Variants in TBC1D5 observed in about 807,000 individuals in gnomAD.
TBC1D5 encodes TBC1 domain family, member 5.
Under a neutral mutation model 100.3 loss-of-function variants are expected in TBC1D5, and 75 were observed. That is an observed-to-expected ratio of 0.75 (90% CI 0.62 to 0.91). The LOEUF (loss-of-function observed/expected upper bound fraction) is 0.91. Among genes scored for constraint, TBC1D5 ranks in the 40% least tolerant of loss-of-function variants. The pLI is 0.00. For synonymous variants in TBC1D5, 323 were observed against 325.6 expected (o/e 0.99, Z 0.09); for missense variants, 910 against 942.4 (o/e 0.97, Z 0.45).
chr3:17,333,122 G>A (rs2087110470), intron 13 of TBC1D5: 1 of 152,330 alleles, frequency 6.6e-6, no homozygotes, highest in Non-Finnish European at 1.5e-5. Context: ...GGGTATCGAA[G>A]TCAATGGCCA....
intron 13 of TBC1D5, among the ~76,000 whole-genome samples, chr3:17,325,614 G>A (rs1025340759): frequency 8.5e-5 from 13 of 152,108 alleles, no homozygotes; most frequent in African/African-American, 2.2e-4. Flanking sequence ...GAGCCACCGC[G>A]CCTGGCCCAA....
At chr3:17,683,991 T>C (rs1387725916) in intron 1 of TBC1D5, among the ~76,000 whole-genome samples, 1 of 152,130 alleles carries the variant, frequency 6.6e-6, no homozygotes, top group African/African-American at 2.4e-5. Context: ...CAAGGAAAGA[T>C]CACTTAGATG....
At chr3:17,615,080 G>A (rs999953625) in intron 2 of TBC1D5, among the ~76,000 whole-genome samples, 3 of 152,142 alleles carry the variant, frequency 2.0e-5, no homozygotes, top group Non-Finnish European at 4.4e-5. Flanking sequence ...TTTATTGAGA[G>A]TTTTTAGCAT....
intron 3 of TBC1D5, among the ~76,000 whole-genome samples, chr3:17,442,656 T>G (rs910549174): frequency 1.3e-5 from 2 of 152,148 alleles, no homozygotes; most frequent in Non-Finnish European, 2.9e-5. Flanking sequence ...AACAAAAGCT[T>G]TGAGAACGGA....
At chr3:17,697,696 A>G (rs1371349550) in intron 1 of TBC1D5, among the ~76,000 whole-genome samples, 1 of 152,238 alleles carries the variant, frequency 6.6e-6, no homozygotes, top group African/African-American at 2.4e-5. Flanking sequence ...TAATTTATAG[A>G]TTCAATGCCA....
intron 14 of TBC1D5, among the ~76,000 whole-genome samples, chr3:17,303,982 C>G (rs1040922538): frequency 1.3e-5 from 2 of 152,038 alleles, no homozygotes; most frequent in East Asian, 3.9e-4. Flanking sequence ...CCACAAACCA[C>G]TAACCCTACT....
chr3:17,283,907 C>T (rs1034537204), intron 15 of TBC1D5, among the ~76,000 whole-genome samples: 21 of 152,040 alleles, frequency 1.4e-4, no homozygotes, highest in Admixed American at 1.0e-3. Flanking sequence ...CTCTTTTCTG[C>T]TTTCGAGCTT....
intron 1 of TBC1D5, among the ~76,000 whole-genome samples, chr3:17,652,663 C>A (rs1225148468): frequency 1.3e-5 from 2 of 152,134 alleles, no homozygotes; most frequent in African/African-American, 4.8e-5. Context: ...ATGACAAATA[C>A]CTTCAGGTTT....
intron 2 of TBC1D5, among the ~76,000 whole-genome samples, chr3:17,554,057 T>G (rs1014647662): frequency 6.6e-6 from 1 of 152,198 alleles, no homozygotes; most frequent in African/African-American, 2.4e-5. Context: ...TTAGTCAACT[T>G]TCACCTCATC....
At chr3:17,444,192 A>G (rs1318238476) in intron 3 of TBC1D5, among the ~76,000 whole-genome samples, 2 of 152,242 alleles carry the variant, frequency 1.3e-5, no homozygotes, top group South Asian at 2.1e-4. Context: ...AATGCAAACT[A>G]CATTAAAAAC....
chr3:17,683,486 ACT>A (rs960652945), intron 1 of TBC1D5, among the ~76,000 whole-genome samples: 2 of 146,608 alleles, frequency 1.4e-5, no homozygotes, highest in African/African-American at 2.8e-5. Context: ...AGGCTCAAGT[ACT>A]TGTCTGCTGT....
rs187666998 is a variant in TBC1D5 at position 17,170,796 on chromosome 3, A to G, written c.1853-2968T>C. Among the ~76,000 whole-genome samples, 239 of 152,294 alleles carry G rather than the reference A, an allele frequency of 1.6e-3. 2 individuals are homozygous for G. The highest frequency in any genetic ancestry group is 5.4e-3 in the African/African-American group (223 of 41,572). On this transcript the variant is annotated intron_variant, in intron 19 of 21. Coordinates refer to ENST00000253692, the Ensembl canonical transcript of TBC1D5. ...CCAAAGAGAGATGTGAGCCCATCCCAGAACCCTGGCATCATCTTGGCAGGG... is the reference window on the plus strand; with the variant it reads ...CCAAAGAGAGATGTGAGCCCATCCCGGAACCCTGGCATCATCTTGGCAGGG...
At chr3:17,520,466 G>A (rs1305466038) in intron 2 of TBC1D5, among the ~76,000 whole-genome samples, 1 of 152,018 alleles carries the variant, frequency 6.6e-6, no homozygotes, top group Non-Finnish European at 1.5e-5. Flanking sequence ...TTTATTCACA[G>A]AAAAGGGCAA....
chr3:17,198,115 C>T (rs958410309), intron 18 of TBC1D5, among the ~76,000 whole-genome samples: 8 of 152,076 alleles, frequency 5.3e-5, no homozygotes, highest in Non-Finnish European at 1.2e-4. Context: ...ATATTTTTTT[C>T]CAGAAAGGTA....
At chr3:17,522,519 G>T (rs1244372394) in intron 2 of TBC1D5, among the ~76,000 whole-genome samples, 1 of 152,082 alleles carries the variant, frequency 6.6e-6, no homozygotes, top group African/African-American at 2.4e-5. Context: ...GGTCTATGGT[G>T]ATTGTCAAAG....
At chr3:17,258,991 TC>T (rs1338231767) in intron 15 of TBC1D5, among the ~76,000 whole-genome samples, 1 of 152,114 alleles carries the variant, frequency 6.6e-6, no homozygotes, top group African/African-American at 2.4e-5. Flanking sequence ...GAAGAGAAAG[TC>T]ATTAGTTTTT....
intron 2 of TBC1D5, among the ~76,000 whole-genome samples, chr3:17,621,035 A>G (rs1401043671): frequency 6.6e-6 from 1 of 152,208 alleles, no homozygotes; most frequent in Non-Finnish European, 1.5e-5. Context: ...TAGATCTATT[A>G]TTTAGTTGAA....
intron 1 of TBC1D5, among the ~76,000 whole-genome samples, chr3:17,689,024 A>G (rs993079602): frequency 3.9e-5 from 6 of 152,194 alleles, no homozygotes; most frequent in Non-Finnish European, 8.8e-5. Flanking sequence ...CTGAAACTCC[A>G]TAATTACCAT....
chr3:17,357,054 C>T (rs1472320779), intron 13 of TBC1D5, among the ~76,000 whole-genome samples: 3 of 151,964 alleles, frequency 2.0e-5, no homozygotes, highest in Admixed American at 6.6e-5. Flanking sequence ...TGCATGGCTA[C>T]CAAACTTAAA....
Sources: allele counts gnomAD v4.1 joint callset (sites outside exome capture counted in the v4.1 genomes callset), GRCh38; gene constraint gnomAD v4.1.1; transcripts MANE v1.5; gene names NCBI Gene and HGNC (gene_info 2026-07-23, HGNC 2026-07-21).